Variants in KIF16B observed in about 807,000 individuals in gnomAD.
The protein encoded by KIF16B is kinesin family member 16B.
A neutral mutation model predicts 156.3 loss-of-function variants in KIF16B; 98 were observed. The ratio of observed to expected loss-of-function variants is 0.63; its 90% CI spans 0.53 to 0.74. The LOEUF (loss-of-function observed/expected upper bound fraction) is 0.74, where lower values mean the gene tolerates loss of function less well. KIF16B is among the 30% of genes least tolerant of loss of function. The pLI, the probability that KIF16B is intolerant of heterozygous loss-of-function variation, is 0.00. For synonymous variants in KIF16B, 564 were observed against 583.7 expected (o/e 0.97, Z 0.49); for missense variants, 1,421 against 1,606.5 (o/e 0.88, Z 1.97).
intron 3 of KIF16B, among the ~76,000 whole-genome samples, chr20:16,523,906 CA>C (rs1251532997): frequency 6.6e-6 from 1 of 152,096 alleles, no homozygotes; most frequent in Non-Finnish European, 1.5e-5. Context: ...GACAACCTGA[CA>C]AAAACAAGCA....
chr20:16,427,832 T>C (rs2066396534), intron 14 of KIF16B, among the ~76,000 whole-genome samples: 1 of 152,142 alleles, frequency 6.6e-6, no homozygotes, highest in Non-Finnish European at 1.5e-5. Context: ...CTAAAGTTTA[T>C]CTATTCATGT....
intron 22 of KIF16B, among the ~76,000 whole-genome samples, chr20:16,359,516 C>T (rs1448812392): frequency 6.6e-6 from 1 of 152,116 alleles, no homozygotes; most frequent in Non-Finnish European, 1.5e-5. Context: ...TTGTAAATTA[C>T]CCAGTCTTGG....
At chr20:16,479,449 C>T (rs6034494) in intron 12 of KIF16B, among the ~76,000 whole-genome samples, 28,251 of 151,874 alleles carry the variant, frequency 0.19, 4,739 homozygotes, top group African/African-American at 0.45. Flanking sequence ...ATAGGTGCAG[C>T]CAATCACCAC....
intron 15 of KIF16B, among the ~76,000 whole-genome samples, chr20:16,420,279 T>A (rs1273527275): frequency 6.6e-6 from 1 of 152,150 alleles, no homozygotes; most frequent in Non-Finnish European, 1.5e-5. Context: ...CAATCTGACA[T>A]AAGTGAGGCA....
At chr20:16,281,893 G>A (rs2063151469) in intron 25 of KIF16B, among the ~76,000 whole-genome samples, 1 of 152,058 alleles carries the variant, frequency 6.6e-6, no homozygotes, top group African/African-American at 2.4e-5. Context: ...CATCTTCCAA[G>A]GACTGGTTCA....
intron 3 of KIF16B, among the ~76,000 whole-genome samples, chr20:16,524,182 A>C (rs1277698792): frequency 6.6e-6 from 1 of 152,226 alleles, no homozygotes; most frequent in African/African-American, 2.4e-5. Flanking sequence ...ATGGGATCTA[A>C]TTAAACTAAA....
intron 1 of KIF16B, among the ~76,000 whole-genome samples, chr20:16,556,477 T>C (rs1334858642): frequency 2.6e-5 from 4 of 152,198 alleles, no homozygotes; most frequent in Admixed American, 6.5e-5. Flanking sequence ...TATACATCCA[T>C]GCCTCTTGCG....
chr20:16,532,671 T>C (rs17674942), intron 1 of KIF16B, among the ~76,000 whole-genome samples: 22,854 of 152,040 alleles, frequency 0.15, 2,164 homozygotes, highest in Non-Finnish European at 0.21. Flanking sequence ...GGGTCCTTTT[T>C]TCTCAATCAA....
chr20:16,438,980 G>A (rs995722566), intron 12 of KIF16B, among the ~76,000 whole-genome samples: 14 of 152,272 alleles, frequency 9.2e-5, no homozygotes, highest in African/African-American at 3.4e-4. Context: ...AAGGGAAGGA[G>A]CGGTCTGTGA....
At position 16,404,857 on chromosome 20, in the gene KIF16B, C is replaced by T. The variant is rs770058098; in HGVS notation, c.1740G>A (p.Ser580=). 3.1e-6 allele frequency: 5 copies of T among 1,613,488 alleles called. No individual in the cohort carries two copies. The highest frequency in any genetic ancestry group is 1.7e-5 in the Admixed American group (1 of 59,946). The change falls in exon 17 of 26, where the codon TCG becomes TCA. Residue 580 remains serine (S), a synonymous_variant. Coordinates refer to ENST00000354981, the MANE Select transcript of KIF16B (RefSeq NM_024704.5). ...SSFSLSMTDL[S]KSRENLSAVM... is the part of the protein sequence containing the mutation. ...CTGCAGACAGGTTCTCACGGGACTT[C>T]GAGAGGTCGGTCATGGACAAGCTGA...
chr20:16,336,015 T>A lies in KIF16B; in HGVS notation c.3622A>T (p.Ile1208Phe), dbSNP rs2064030233. ...GTCCATGTCTCATCTAGGACAGTAATCTATTAACCAGGAAAACCAAAATGA... is the reference window on the plus strand; with the variant it reads ...GTCCATGTCTCATCTAGGACAGTAAACTATTAACCAGGAAAACCAAAATGA... The part of the protein sequence containing the change: ...KDAHFEFEVK[I>F]TVLDETWTVF... The change falls in exon 24 of 26, where the codon ATT (isoleucine) becomes TTT (phenylalanine). Residue 1208 changes from isoleucine to phenylalanine, a missense_variant and splice_region_variant. Coordinates refer to ENST00000354981, the MANE Select transcript of KIF16B (RefSeq NM_024704.5). 1 of 1,581,072 alleles carries A rather than the reference T, an allele frequency of 6.3e-7. No individual in the cohort carries two copies. Among genetic ancestry groups the A allele is most frequent in the Non-Finnish European group, 8.6e-7 (1 of 1,163,626 alleles).
intron 12 of KIF16B, among the ~76,000 whole-genome samples, chr20:16,448,233 G>A (rs558934999): frequency 2.6e-5 from 4 of 152,308 alleles, no homozygotes; most frequent in South Asian, 4.1e-4. Flanking sequence ...TGGAGGTAAC[G>A]GGAAGGGGCG....
intron 24 of KIF16B, among the ~76,000 whole-genome samples, chr20:16,332,506 C>A (rs1309286490): frequency 6.6e-6 from 1 of 152,194 alleles, no homozygotes; most frequent in African/African-American, 2.4e-5. Flanking sequence ...AATACATGAA[C>A]ACACGTGTTT....
Position 16,476,819 on chromosome 20 carries a change from C to T in KIF16B, c.1302+17472G>A, listed in dbSNP as rs939339112. On this transcript the variant is annotated intron_variant, in intron 12 of 25. Transcript: ENST00000354981. ...CTGTCGCCAGGCTGGAATGCAGTGG[C>T]TCAATCTCGGCTGACTGCAACCTCC... is the stretch of plus-strand genomic sequence containing the variant. Among the ~76,000 whole-genome samples, 4 of 152,248 alleles carry T rather than the reference C, an allele frequency of 2.6e-5. No individual in the cohort carries two copies. The East Asian group carries it at 5.8e-4, about 22-fold the overall frequency.
At chr20:16,288,443 C>G (rs1323856707) in intron 25 of KIF16B, among the ~76,000 whole-genome samples, 1 of 152,044 alleles carries the variant, frequency 6.6e-6, no homozygotes, top group Non-Finnish European at 1.5e-5. Flanking sequence ...GGGATCCCAT[C>G]ATAAGTGGAA....
At chr20:16,405,178 C>G (rs1439307543) in intron 16 of KIF16B, among the ~76,000 whole-genome samples, 1 of 152,098 alleles carries the variant, frequency 6.6e-6, no homozygotes, top group African/African-American at 2.4e-5. Flanking sequence ...TCTCCCCTGC[C>G]GGTTAAAGTC....
chr20:16,517,488 T>C (rs2069180326), intron 3 of KIF16B, among the ~76,000 whole-genome samples: 1 of 152,158 alleles, frequency 6.6e-6, no homozygotes, highest in African/African-American at 2.4e-5. Context: ...ACAAGACCCA[T>C]TGATGAGGAA....
chr20:16,491,261 G>A (rs1388428567), intron 12 of KIF16B, among the ~76,000 whole-genome samples: 3 of 152,150 alleles, frequency 2.0e-5, no homozygotes, highest in East Asian at 3.9e-4. Context: ...CTGGCAGGGC[G>A]GGGACTCCAG....
intron 25 of KIF16B, among the ~76,000 whole-genome samples, chr20:16,308,711 T>C (rs2063575772): frequency 6.6e-6 from 1 of 152,180 alleles, no homozygotes; most frequent in African/African-American, 2.4e-5. Flanking sequence ...AGCAAGCAAA[T>C]GTGGGAAAGC....
Sources: gnomAD v4.1 joint callset for allele counts (sites outside exome capture counted in the v4.1 genomes callset) on GRCh38, gnomAD v4.1.1 for gene constraint, MANE v1.5 for transcripts, NCBI Gene and HGNC (gene_info 2026-07-23, HGNC 2026-07-21) for gene names.